RASSF3: variants seen among roughly 807,000 people sequenced by gnomAD.
The protein encoded by RASSF3 is Ras association domain family member 3, also known as ras association domain-containing protein 3.
Under a neutral mutation model 19.9 loss-of-function variants are expected in RASSF3, and 19 were observed. That is an observed-to-expected ratio of 0.96 (90% CI 0.67 to 1.40). RASSF3 has a LOEUF of 1.40. RASSF3 is among the 40% of genes most tolerant of loss of function. RASSF3 has a pLI of 0.00. For missense variants in RASSF3, 306 were observed against 289.8 expected (o/e 1.06, Z -0.41); for synonymous variants, 110 against 104.2 (o/e 1.06, Z -0.34).
intron 1 of RASSF3, among the ~76,000 whole-genome samples, chr12:64,648,790 G>C (rs1256504159): frequency 8.4e-6 from 1 of 118,786 alleles, no homozygotes; most frequent in Non-Finnish European, 1.8e-5. Context: ...CAAGCTTCTT[G>C]TTTTTACATT....
At chr12:64,507,940 C>T (rs563488057) in intron 1 of RASSF3, among the ~76,000 whole-genome samples, 2 of 152,188 alleles carry the variant, frequency 1.3e-5, no homozygotes, top group South Asian at 4.2e-4. Flanking sequence ...GTAGATGACC[C>T]CTCCAAGTCT....
At chr12:64,662,797 G>T (rs1323796933) in intron 1 of RASSF3, among the ~76,000 whole-genome samples, 1 of 152,152 alleles carries the variant, frequency 6.6e-6, no homozygotes, top group East Asian at 1.9e-4. Flanking sequence ...CTCCCTGGTT[G>T]TTTCTGGGGC....
chr12:64,595,729 G>T (rs1047968738), intron 2 of RASSF3, among the ~76,000 whole-genome samples: 1 of 152,120 alleles, frequency 6.6e-6, no homozygotes, highest in East Asian at 1.9e-4. Flanking sequence ...GATTGTTTTT[G>T]AACTATTAGG....
At chr12:64,563,369 C>T (rs1039329074) in intron 2 of RASSF3, among the ~76,000 whole-genome samples, 3 of 151,824 alleles carry the variant, frequency 2.0e-5, no homozygotes, top group Non-Finnish European at 2.9e-5. Flanking sequence ...GGGGTTTCAC[C>T]ATGATGGCCA....
At chr12:64,526,251 T>C (rs1247420955) in intron 1 of RASSF3, among the ~76,000 whole-genome samples, 1 of 152,206 alleles carries the variant, frequency 6.6e-6, no homozygotes, top group Non-Finnish European at 1.5e-5. Context: ...TATGTACTTA[T>C]TGCGGAATGG....
chr12:64,515,700 T>C (rs1868359232), intron 1 of RASSF3: 1 of 152,162 alleles, frequency 6.6e-6, no homozygotes, highest in African/African-American at 2.4e-5. Flanking sequence ...TATTTGTTTG[T>C]TTGTTTAAGG....
At chr12:64,546,557 A>G (rs1318062908), downstream of RASSF3, among the ~76,000 whole-genome samples, 7 of 152,244 alleles carry the variant, frequency 4.6e-5, no homozygotes, top group Non-Finnish European at 8.8e-5. Flanking sequence ...GGCGTGAGCC[A>G]CTGCACCTGG....
intron 2 of RASSF3, among the ~76,000 whole-genome samples, chr12:64,602,352 G>A (rs1465326901): frequency 1.7e-4 from 26 of 151,358 alleles, no homozygotes; most frequent in Non-Finnish European, 3.4e-4. Flanking sequence ...AGGCTGAGGC[G>A]GGTGAATCAT....
At chr12:64,580,575 AACACACACACACACACAC>A (rs201737911) in intron 2 of RASSF3, among the ~76,000 whole-genome samples, 4 of 141,406 alleles carry the variant, frequency 2.8e-5, no homozygotes, top group African/African-American at 7.9e-5. Context: ...TTTTTAGGAA[AACACACACACACACACAC>A]ACACACACAC....
At chr12:64,531,164 T>A (rs946655488), upstream of RASSF3, among the ~76,000 whole-genome samples, 7 of 152,208 alleles carry the variant, frequency 4.6e-5, no homozygotes, top group African/African-American at 1.7e-4. Flanking sequence ...TTCTAGAAAT[T>A]GTATAGCTTT....
intron 1 of RASSF3, among the ~76,000 whole-genome samples, chr12:64,657,799 T>A (rs1872212719): frequency 6.6e-6 from 1 of 152,190 alleles, no homozygotes; most frequent in Non-Finnish European, 1.5e-5. Context: ...GGGCCAGGTG[T>A]GTTGGTTCAC....
intron 2 of RASSF3, among the ~76,000 whole-genome samples, chr12:64,587,873 T>A (rs115109888): frequency 0.01 from 1,551 of 152,326 alleles, 26 homozygotes; most frequent in African/African-American, 0.035. Context: ...AACCCACGAT[T>A]TTTTCCAAGA....
chr12:64,546,836 A>G (rs1869072348), intron 2 of RASSF3, among the ~76,000 whole-genome samples: 2 of 152,222 alleles, frequency 1.3e-5, no homozygotes, highest in Admixed American at 6.6e-5. Context: ...ATAGAGCGAT[A>G]AACTTCAGAA....
At position 64,610,720 on chromosome 12, in the gene RASSF3, G is replaced by A. The variant is rs1173741612; in HGVS notation, c.88G>A (p.Gly30Ser). Reference protein sequence around the residue: ...RTSFFRRAPQGKPRSGQQDVE... With the variant: ...RTSFFRRAPQSKPRSGQQDVE... ...CTCCTTCTTCAGGAGAGCGCCCCAG[G>A]GCAAGCCCCGCTCCGGCCAACAAGT... The change falls in exon 1 of 5, where the codon GGC (glycine) becomes AGC (serine). Residue 30 changes from glycine to serine, a missense_variant. Gly to Ser is a moderately conservative substitution (Grantham distance 56). Coordinates refer to ENST00000542104, the MANE Select transcript of RASSF3 (RefSeq NM_178169.4). 8 of 1,591,018 alleles carry A rather than the reference G, an allele frequency of 5.0e-6. No homozygotes were observed. Among genetic ancestry groups the A allele is most frequent in the African/African-American group, 2.8e-5 (2 of 72,036 alleles).
At chr12:64,510,042 G>A (rs997811880) in intron 1 of RASSF3, among the ~76,000 whole-genome samples, 3 of 148,774 alleles carry the variant, frequency 2.0e-5, no homozygotes, top group East Asian at 2.0e-4. Context: ...AGCTGAGATC[G>A]CACCACTACA....
At chr12:64,512,819 A>G (rs1375743535) in intron 1 of RASSF3, among the ~76,000 whole-genome samples, 1 of 152,240 alleles carries the variant, frequency 6.6e-6, no homozygotes, top group Non-Finnish European at 1.5e-5. Flanking sequence ...ATGTTCCTCA[A>G]AGTGGTCACT....
chr12:64,534,749 T>C (rs1475927106), intron 1 of RASSF3, among the ~76,000 whole-genome samples: 1 of 152,122 alleles, frequency 6.6e-6, no homozygotes, highest in Non-Finnish European at 1.5e-5. Flanking sequence ...TGGAGAGGAA[T>C]TCTACCTGAT....
At chr12:64,657,940 G>A (rs1339740059) in intron 1 of RASSF3, among the ~76,000 whole-genome samples, 2 of 152,122 alleles carry the variant, frequency 1.3e-5, no homozygotes, top group Non-Finnish European at 2.9e-5. Flanking sequence ...AGCCAGACAT[G>A]GTGGTGCAGG....
intron 1 of RASSF3, among the ~76,000 whole-genome samples, chr12:64,520,585 T>TATATATATAC (rs1868458082): frequency 7.1e-6 from 1 of 141,828 alleles, no homozygotes; most frequent in Non-Finnish European, 1.5e-5. Flanking sequence ...TATATATATA[T>TATATATATAC]ATATATATAT....
Sources: gnomAD v4.1 joint callset for allele counts (sites outside exome capture counted in the v4.1 genomes callset) on GRCh38, gnomAD v4.1.1 for gene constraint, MANE v1.5 for transcripts, NCBI Gene and HGNC (gene_info 2026-07-23, HGNC 2026-07-21) for gene names.